Variants in OR2F1 observed in about 807,000 individuals in gnomAD.
The protein encoded by OR2F1 is olfactory receptor family 2 subfamily F member 1.
For missense variants in OR2F1, 389 were observed against 378.2 expected (o/e 1.03, Z -0.24); for synonymous variants, 146 against 155.3 (o/e 0.94, Z 0.44).
At position 143,960,978 on chromosome 7, in the gene OR2F1, T is replaced by C; in HGVS notation, c.*54T>C. ...TTTGCCTCAGTGTTCTCCACCCAGC[T>C]GAGATCTGACAGGTGTAAACTACAT... On this transcript the variant is annotated 3_prime_UTR_variant, in exon 3 of 3. Transcript: ENST00000641412. 7.2e-7 allele frequency: 1 copy of C among 1,396,478 alleles called. No homozygotes were observed. The highest frequency in any genetic ancestry group is 9.9e-7 in the Non-Finnish European group (1 of 1,010,256). 86.5% of individuals were successfully genotyped at this position (1,396,478 alleles called of 1,614,324 possible).
Position 143,960,939 on chromosome 7 carries a change from T to C in OR2F1, c.*15T>C. 1 of 1,577,154 alleles carries C rather than the reference T, an allele frequency of 6.3e-7. No homozygotes were observed. Among genetic ancestry groups the C allele is most frequent in the Non-Finnish European group, 8.6e-7 (1 of 1,159,450 alleles). On this transcript the variant is annotated 3_prime_UTR_variant, in exon 3 of 3. Coordinates refer to ENST00000641412, the MANE Select transcript of OR2F1 (RefSeq NM_012369.3). The stretch of plus-strand genomic sequence containing the variant: ...TGGCAACTTGACTCATGAGTATGAC[T>C]TAGAGAAAACAGCTTTGCCTCAGTG...
At position 143,962,736 on chromosome 7, in the gene OR2F1, G is replaced by C. The variant is rs1016567012; in HGVS notation, c.*1812G>C. ...AGGACGAAGCAGACGGGTTAGACAC[G>C]GTCAGATCCTGGAAGGCGTCGAATG... is the stretch of plus-strand genomic sequence containing the variant. On this transcript the variant is annotated 3_prime_UTR_variant, in exon 3 of 3. Transcript: ENST00000641412. 1 of 152,270 alleles carries C rather than the reference G, an allele frequency of 6.6e-6. No individual in the cohort carries two copies. Among genetic ancestry groups the C allele is most frequent in the Non-Finnish European group, 1.5e-5 (1 of 68,022 alleles). The allele number at this position is 152,270 out of a possible 1,614,324, so 9.4% of individuals were successfully genotyped here. A position where few individuals can be genotyped will look rare whatever the true frequency, so the allele number is the denominator to read the frequency against.
rs1180712832 is a variant in OR2F1 at position 143,964,349 on chromosome 7, TAA to T, written c.*3429_*3430del. On this transcript the variant is annotated 3_prime_UTR_variant, in exon 3 of 3. Coordinates refer to ENST00000641412, the MANE Select transcript of OR2F1 (RefSeq NM_012369.3). ...TAAAAACACCACTGAAGGTTTTCCT[TAA>T]AAATCTAATACATATAAAAATTACA... 6.6e-6 allele frequency: 1 copy of T among 152,180 alleles called. No homozygotes were observed. Among genetic ancestry groups the T allele is most frequent in the East Asian group, 1.9e-4 (1 of 5,206 alleles). The allele number at this position is 152,180 out of a possible 1,614,324, so 9.4% of individuals were successfully genotyped here.
chr7:143,957,094 G>A (rs1313040453), intron 1 of OR2F1, among the ~76,000 whole-genome samples: 1 of 152,092 alleles, frequency 6.6e-6, no homozygotes, highest in African/African-American at 2.4e-5. Context: ...AAATCTAGAA[G>A]GTAAATGTAA....
In OR2F1 at chr7:143,960,070, A is replaced by G. The variant is rs776504755; in HGVS notation, c.100A>G (p.Met34Val). The change falls in exon 3 of 3, where the codon ATG becomes GTG. Residue 34 changes from methionine to valine, a missense_variant. Met to Val is a conservative substitution (Grantham distance 21). Coordinates refer to ENST00000641412, the MANE Select transcript of OR2F1 (RefSeq NM_012369.3). ...CTCCCTGTTTGTCCTGTTCTTGGTC[A>G]TGTATGTGGTGACCGTGCTGGGGAA... is the stretch of plus-strand genomic sequence containing the variant. ...RVSLFVLFLVMYVVTVLGNCL... is the reference protein window; with the variant it reads ...RVSLFVLFLVVYVVTVLGNCL... 1 of 1,614,092 alleles carries G rather than the reference A, an allele frequency of 6.2e-7. No individual in the cohort carries two copies. Among genetic ancestry groups the G allele is most frequent in the East Asian group, 2.2e-5 (1 of 44,872 alleles).
chr7:143,955,045 A>G lies in OR2F1; in HGVS notation c.-238A>G, dbSNP rs1562994688. ...TCAGTCCTGATATTTGCTGTAACTA[A>G]TAATTACTGGATAAACAGAGAAGAC... On this transcript the variant is annotated 5_prime_UTR_variant, in exon 1 of 3. The change abolishes the stop of an existing upstream ORF in the 5' untranslated region. Coordinates refer to ENST00000641412, the MANE Select transcript of OR2F1 (RefSeq NM_012369.3). The G allele has an allele frequency of 1.3e-5, 2 of 152,144 alleles. No homozygotes were observed. The highest frequency in any genetic ancestry group is 2.9e-5 in the Non-Finnish European group (2 of 68,004). The allele number at this position is 152,144 out of a possible 1,614,324, so 9.4% of individuals were successfully genotyped here.
chr7:143,963,053 T>G lies in OR2F1; in HGVS notation c.*2129T>G, dbSNP rs768274094. 8 of 152,208 alleles carry G rather than the reference T, an allele frequency of 5.3e-5. No homozygotes were observed. Among genetic ancestry groups the G allele is most frequent in the Non-Finnish European group, 1.2e-4 (8 of 68,036 alleles). 9.4% of individuals were successfully genotyped at this position (152,208 alleles called of 1,614,324 possible). A position where few individuals can be genotyped will look rare whatever the true frequency, so the allele number is the denominator to read the frequency against. ...AACACTTCATCTCCCAGATTGGAAA[T>G]GCCATCTGAATATCATTCCTCTTCT... On this transcript the variant is annotated 3_prime_UTR_variant, in exon 3 of 3. Coordinates refer to ENST00000641412, the MANE Select transcript of OR2F1 (RefSeq NM_012369.3).
intron 2 of OR2F1, among the ~76,000 whole-genome samples, chr7:143,959,602 T>C (rs1562996098): frequency 1.3e-5 from 2 of 152,228 alleles, no homozygotes; most frequent in African/African-American, 2.4e-5. Flanking sequence ...TTTCCAACCA[T>C]ATTCTTCTTC....
chr7:143,960,970 C>A lies in OR2F1; in HGVS notation c.*46C>A. 6.9e-7 allele frequency: 1 copy of A among 1,445,428 alleles called. No individual in the cohort carries two copies. The highest frequency in any genetic ancestry group is 9.5e-7 in the Non-Finnish European group (1 of 1,052,746). 89.5% of individuals were successfully genotyped at this position (1,445,428 alleles called of 1,614,324 possible). Reference sequence around the variant, plus strand: ...AAAACAGCTTTGCCTCAGTGTTCTCCACCCAGCTGAGATCTGACAGGTGTA... The same window carrying A: ...AAAACAGCTTTGCCTCAGTGTTCTCAACCCAGCTGAGATCTGACAGGTGTA... On this transcript the variant is annotated 3_prime_UTR_variant, in exon 3 of 3. Transcript: ENST00000641412.
chr7:143,961,157 C>G lies in OR2F1; in HGVS notation c.*233C>G. On this transcript the variant is annotated 3_prime_UTR_variant, in exon 3 of 3. Coordinates refer to ENST00000641412, the MANE Select transcript of OR2F1 (RefSeq NM_012369.3). ...GTTATAAAACCTCCCACACTTCTTC[C>G]ACCTCCACTCTTACAGCCTGACAAT... 1 of 481,166 alleles carries G rather than the reference C, an allele frequency of 2.1e-6. No individual in the cohort carries two copies. Among genetic ancestry groups the G allele is most frequent in the Non-Finnish European group, 3.8e-6 (1 of 265,556 alleles). 29.8% of individuals were successfully genotyped at this position (481,166 alleles called of 1,614,324 possible).
In OR2F1 at chr7:143,960,166, C is replaced by T. The variant is rs1586837696; in HGVS notation, c.196C>T (p.Leu66Phe). 6.2e-7 allele frequency: 1 copy of T among 1,614,176 alleles called. No homozygotes were observed. The highest frequency in any genetic ancestry group is 1.3e-5 in the African/African-American group (1 of 75,038). Residue 66 changes from leucine to phenylalanine, a missense_variant, in exon 3 of 3, where the codon CTC becomes TTC. Physicochemically the swap from Leu to Phe is conservative, Grantham distance 22. Coordinates refer to ENST00000641412, the MANE Select transcript of OR2F1 (RefSeq NM_012369.3). ...TCCCATGTATTTCTTTCTCACCAACCTCTCCCTTGTCGATGTCTCCTATGC... is the reference window on the plus strand; with the variant it reads ...TCCCATGTATTTCTTTCTCACCAACTTCTCCCTTGTCGATGTCTCCTATGC... ...HTPMYFFLTN[L>F]SLVDVSYATS...
At chr7:143,955,337 T>C (rs796317411) in intron 1 of OR2F1, among the ~76,000 whole-genome samples, 4 of 152,152 alleles carry the variant, frequency 2.6e-5, no homozygotes. Flanking sequence ...CATCTAAAAC[T>C]CCAGCTTTTA....
In OR2F1 at chr7:143,960,542, A is replaced by G. The variant is rs146512001; in HGVS notation, c.572A>G (p.Asp191Gly). 356 of 1,614,110 alleles carry G rather than the reference A, an allele frequency of 2.2e-4. 1 individual carries two copies. The African/African-American group carries it at 4.2e-3, about 19-fold the overall frequency. The change falls in exon 3 of 3, where the codon GAC becomes GGC. Residue 191 changes from aspartate to glycine, a missense_variant. By Grantham distance (94) the Asp-to-Gly change is moderately conservative (BLOSUM62 -1). Coordinates refer to ENST00000641412, the MANE Select transcript of OR2F1 (RefSeq NM_012369.3). ...GCTGTGGTCAGGCTGGCTTGTGTGG[A>G]CACCTCCTCCAATGAGGTCACCATC... ...LLAVVRLACV[D>G]TSSNEVTIMV... is the part of the protein sequence containing the mutation.
In OR2F1 at chr7:143,960,163, A is replaced by C; in HGVS notation, c.193A>C (p.Asn65His). ...LHTPMYFFLTNLSLVDVSYAT... is the reference protein window; with the variant it reads ...LHTPMYFFLTHLSLVDVSYAT... ...CACTCCCATGTATTTCTTTCTCACC[A>C]ACCTCTCCCTTGTCGATGTCTCCTA... The change falls in exon 3 of 3, where the codon AAC (asparagine) becomes CAC (histidine). Residue 65 changes from asparagine to histidine, a missense_variant. Physicochemically the swap from Asn to His is moderately conservative, Grantham distance 68. Transcript: ENST00000641412. 6.2e-7 allele frequency: 1 copy of C among 1,614,060 alleles called. No individual in the cohort carries two copies. The highest frequency in any genetic ancestry group is 8.5e-7 in the Non-Finnish European group (1 of 1,180,014).
rs2050273950 is a variant in OR2F1 at position 143,954,934 on chromosome 7, A to C, written c.-349A>C. 1 of 152,172 alleles carries C rather than the reference A, an allele frequency of 6.6e-6. No individual in the cohort carries two copies. Among genetic ancestry groups the C allele is most frequent in the South Asian group, 2.1e-4 (1 of 4,832 alleles). The allele number at this position is 152,172 out of a possible 1,614,324, so 9.4% of individuals were successfully genotyped here. Reference sequence around the variant, plus strand: ...GATTGAAATTTAACTGTTAAATTAGAGTTTTTTTGTTATGTAAAATGAACT... The same window carrying C: ...GATTGAAATTTAACTGTTAAATTAGCGTTTTTTTGTTATGTAAAATGAACT... On this transcript the variant is annotated 5_prime_UTR_variant, in exon 1 of 3. Transcript: ENST00000641412.
intron 2 of OR2F1, 141 bp from the exon 3 acceptor site, chr7:143,959,807 T>C (rs2050310223): frequency 8.7e-6 from 5 of 572,752 alleles, no homozygotes; most frequent in African/African-American, 3.7e-5. Context: ...ATATAATGCA[T>C]GTTGGGTCAA....
chr7:143,958,572 T>G (rs2050301308), intron 1 of OR2F1, among the ~76,000 whole-genome samples: 1 of 152,192 alleles, frequency 6.6e-6, no homozygotes, highest in Non-Finnish European at 1.5e-5. Context: ...TAAGAGACCC[T>G]AGTCTGTCTG....
rs2050353688 is a variant in OR2F1, at chr7:143,964,341, G to A, written c.*3417G>A. 6.6e-6 allele frequency: 1 copy of A among 151,630 alleles called. No individual in the cohort carries two copies. Among genetic ancestry groups the A allele is most frequent in the South Asian group, 2.1e-4 (1 of 4,776 alleles). 9.4% of individuals were successfully genotyped at this position (151,630 alleles called of 1,614,324 possible). A position where few individuals can be genotyped will look rare whatever the true frequency, so the allele number is the denominator to read the frequency against. ...AATAACCATAAAAACACCACTGAAG[G>A]TTTTCCTTAAAAATCTAATACATAT... On this transcript the variant is annotated 3_prime_UTR_variant, in exon 3 of 3. Coordinates refer to ENST00000641412, the MANE Select transcript of OR2F1 (RefSeq NM_012369.3).
rs2050328218 is a variant in OR2F1, at chr7:143,961,230, G to A, written c.*306G>A. ...ACTGTTTTGATTTGTCATATCGTTT[G>A]TAATGATAGACCTACTCATGGATCT... On this transcript the variant is annotated 3_prime_UTR_variant, in exon 3 of 3. Coordinates refer to ENST00000641412, the MANE Select transcript of OR2F1 (RefSeq NM_012369.3). 3.4e-6 allele frequency: 1 copy of A among 294,156 alleles called. No individual in the cohort carries two copies. Among genetic ancestry groups the A allele is most frequent in the Non-Finnish European group, 6.4e-6 (1 of 156,604 alleles). The allele number at this position is 294,156 out of a possible 1,614,324, so 18.2% of individuals were successfully genotyped here. A position where few individuals can be genotyped will look rare whatever the true frequency, so the allele number is the denominator to read the frequency against.
Sources: allele counts gnomAD v4.1 joint callset (sites outside exome capture counted in the v4.1 genomes callset), GRCh38; gene constraint gnomAD v4.1.1; transcripts MANE v1.5; gene names NCBI Gene and HGNC (gene_info 2026-07-23, HGNC 2026-07-21).